Variants in RSRC2 observed in about 807,000 individuals in gnomAD.
RSRC2 encodes the protein arginine and serine rich coiled-coil 2.
A neutral mutation model predicts 61.3 loss-of-function variants in RSRC2; 5 were observed. The observed-to-expected ratio is 0.08, with a 90% CI of 0.04 to 0.17. The LOEUF (loss-of-function observed/expected upper bound fraction) is 0.17, where lower values mean the gene tolerates loss of function less well. RSRC2 is among the 10% of genes least tolerant of loss of function. The pLI is 1.00. For missense variants in RSRC2, 381 were observed against 518.8 expected (o/e 0.73, Z 2.58); for synonymous variants, 202 against 166.5 (o/e 1.21, Z -1.64).
chr12:122,508,167 G>A (rs974958570), intron 8 of RSRC2, 51 bp downstream of exon 8: 1 of 1,516,750 alleles, frequency 6.6e-7, no homozygotes, highest in South Asian at 1.1e-5. Flanking sequence ...GTTTTTCTAA[G>A]CAATTACTAA....
intron 1 of RSRC2, 46 bp from the exon 2 acceptor site, chr12:122,522,345 A>C (rs928693766): frequency 2.0e-6 from 3 of 1,500,456 alleles, no homozygotes; most frequent in Non-Finnish European, 2.7e-6. Flanking sequence ...TTACATTTTA[A>C]ATGTTTTCAA....
chr12:122,525,313 T>C (rs1402170990), intron 1 of RSRC2, among the ~76,000 whole-genome samples: 2 of 151,634 alleles, frequency 1.3e-5, no homozygotes, highest in East Asian at 1.9e-4. Context: ...GAGGCGGAGG[T>C]TGCAGTGAGC....
chr12:122,523,449 G>C (rs1277057800), intron 1 of RSRC2: 1 of 152,236 alleles, frequency 6.6e-6, no homozygotes, highest in African/African-American at 2.4e-5. Context: ...CCATGAGGCA[G>C]ACGTTGAAGT....
chr12:122,509,673 G>A (rs1028456536), intron 7 of RSRC2, among the ~76,000 whole-genome samples: 3 of 152,030 alleles, frequency 2.0e-5, no homozygotes, highest in African/African-American at 7.2e-5. Flanking sequence ...ACCAAAGAGA[G>A]TAATGATGTA....
chr12:122,521,664 A>G (rs1265158700), intron 2 of RSRC2, among the ~76,000 whole-genome samples: 4 of 152,234 alleles, frequency 2.6e-5, no homozygotes, highest in Non-Finnish European at 5.9e-5. Context: ...ACGGTCATAG[A>G]CTTTCAGTAT....
chr12:122,518,786 A>G (rs1381811301), intron 4 of RSRC2, 53 bp downstream of exon 4: 1 of 1,422,774 alleles, frequency 7.0e-7, no homozygotes, highest in African/African-American at 1.4e-5. Flanking sequence ...GGTCAATGAG[A>G]AACTTTATGT....
chr12:122,521,392 C>T lies in RSRC2; in HGVS notation c.200G>A (p.Ser67Asn). 6.2e-7 allele frequency: 1 copy of T among 1,611,612 alleles called. No individual in the cohort carries two copies. The highest frequency in any genetic ancestry group is 8.5e-7 in the Non-Finnish European group (1 of 1,178,388). The change falls in exon 3 of 10, where the codon AGC becomes AAC. Residue 67 changes from serine (S) to asparagine (N), a missense_variant. By Grantham distance (46) the Ser-to-Asn change is conservative (BLOSUM62 1). Transcript: ENST00000331738. Reference sequence around the variant, plus strand: ...CTACAAAGTGTTAATTACCTCTTTGCTTCTGCTCCGGCTCCTGTGTTTTCT... The same window carrying T: ...CTACAAAGTGTTAATTACCTCTTTGTTTCTGCTCCGGCTCCTGTGTTTTCT... Reference protein sequence around the residue: ...EGRKHRSRSRSKEGRRHESKD... With the variant: ...EGRKHRSRSRNKEGRRHESKD...
chr12:122,511,864 T>C (rs1958537446), intron 6 of RSRC2, among the ~76,000 whole-genome samples: 1 of 152,182 alleles, frequency 6.6e-6, no homozygotes. Context: ...TGGAGTGCAA[T>C]GGCACGACCT....
intron 8 of RSRC2, 184 bp downstream of exon 8, chr12:122,508,034 C>T: frequency 1.5e-6 from 1 of 658,662 alleles, no homozygotes; most frequent in Non-Finnish European, 2.7e-6. Flanking sequence ...GGACTCCTTA[C>T]CTCAACTGAT....
intron 5 of RSRC2, 110 bp downstream of exon 5, chr12:122,517,117 T>C (rs915576140): frequency 4.0e-6 from 6 of 1,486,896 alleles, no homozygotes; most frequent in Non-Finnish European, 4.6e-6. Context: ...AATTTTACCA[T>C]AATCTATAAA....
chr12:122,518,814 T>A (rs114490988), intron 4 of RSRC2, 25 bp downstream of exon 4: 5 of 1,568,376 alleles, frequency 3.2e-6, no homozygotes, highest in Admixed American at 1.7e-5. Context: ...TAGAAGGTAC[T>A]ACATTATAAT....
Position 122,511,295 on chromosome 12 carries a change from TA to T in RSRC2, c.726-108del, listed in dbSNP as rs1450228860. On this transcript the variant is annotated intron_variant, in intron 6 of 9. Coordinates refer to ENST00000331738, the MANE Select transcript of RSRC2 (RefSeq NM_023012.6). Reference sequence around the variant, plus strand: ...AGACAAGCCAACTTCCATAAAATTTTAAATTTTTAGCATCCCTCCACCGATA... The same window carrying T: ...AGACAAGCCAACTTCCATAAAATTTTAATTTTTAGCATCCCTCCACCGATA... The T allele has an allele frequency of 3.9e-6, 3 of 760,762 alleles. No homozygotes were observed. In the African/African-American group the frequency reaches 5.4e-5, roughly 14 times the overall value. The allele number at this position is 760,762 out of a possible 1,614,324, so 47.1% of individuals were successfully genotyped here.
chr12:122,513,039 A>G (rs1053149003), intron 6 of RSRC2, among the ~76,000 whole-genome samples: 2 of 151,554 alleles, frequency 1.3e-5, no homozygotes, highest in African/African-American at 4.8e-5. Context: ...TAAAAAGAAA[A>G]CAAAAATTAG....
chr12:122,510,714 C>G (rs1958442832), intron 7 of RSRC2, among the ~76,000 whole-genome samples: 1 of 152,048 alleles, frequency 6.6e-6, no homozygotes, highest in Admixed American at 6.5e-5. Context: ...GATTTTCTTC[C>G]TATTATTTTC....
At chr12:122,506,311 C>T (rs914527123) in intron 9 of RSRC2, 2 of 153,240 alleles carry the variant, frequency 1.3e-5, no homozygotes, top group Non-Finnish European at 2.9e-5. Flanking sequence ...TTGAACACCT[C>T]CAAAGGACAA....
In RSRC2 at chr12:122,504,613, G is replaced by T. The variant is rs1234103338; in HGVS notation, c.*914C>A. On this transcript the variant is annotated 3_prime_UTR_variant, in exon 10 of 10. Transcript: ENST00000331738. ...CACTGCACCCAGTTTAGGCAACAGA[G>T]CAAGATCCTGTCTCAAAAAAACAAA... The T allele has an allele frequency of 6.6e-6, 1 of 152,276 alleles. No homozygotes were observed. The highest frequency in any genetic ancestry group is 1.5e-5 in the Non-Finnish European group (1 of 68,038). The allele number at this position is 152,276 out of a possible 1,614,324, so 9.4% of individuals were successfully genotyped here.
In RSRC2 at chr12:122,511,663, A is replaced by G. The variant is rs372467499; in HGVS notation, c.726-475T>C. Reference sequence around the variant, plus strand: ...TAATAAAAATCAAAAAGCCAAAACTAAAAGGTCAAGCAAACCTTGCCATTC... The same window carrying G: ...TAATAAAAATCAAAAAGCCAAAACTGAAAGGTCAAGCAAACCTTGCCATTC... On this transcript the variant is annotated intron_variant, in intron 6 of 9. Transcript: ENST00000331738. 3.9e-5 allele frequency among the ~76,000 whole-genome samples: 6 copies of G among 152,352 alleles called. No homozygotes were observed. The East Asian group carries it at 9.6e-4, about 24-fold the overall frequency.
chr12:122,515,193 A>C lies in RSRC2; in HGVS notation c.637T>G (p.Phe213Val). The C allele has an allele frequency of 6.2e-7, 1 of 1,614,124 alleles. No individual in the cohort carries two copies. Residue 213 changes from phenylalanine to valine, a missense_variant, in exon 6 of 10, where the codon TTT becomes GTT. Phe to Val is a conservative substitution (Grantham distance 50). Transcript: ENST00000331738. ...GGAGTCCGGCTTAAACTTCTGCTAAATCTTCTCGGCTTTTCAATTCTCTTC... is the reference window on the plus strand; with the variant it reads ...GGAGTCCGGCTTAAACTTCTGCTAACTCTTCTCGGCTTTTCAATTCTCTTC... ...RKKRIEKPRRFSRSLSRTPSP... is the reference protein window; with the variant it reads ...RKKRIEKPRRVSRSLSRTPSP...
rs114490988 is a variant in RSRC2 at position 122,518,814 on chromosome 12, T to C, written c.398+25A>G. 1.3e-3 allele frequency: 1,980 copies of C among 1,568,494 alleles called. 27 individuals are homozygous for C. In the African/African-American group the frequency reaches 0.022, roughly 18 times the overall value. On this transcript the variant is annotated intron_variant, in intron 4 of 9. Coordinates refer to ENST00000331738, the MANE Select transcript of RSRC2 (RefSeq NM_023012.6). Reference sequence around the variant, plus strand: ...CTTTATGTAACTTGTTAGAAGGTACTACATTATAATACAACATGACTTACC... The same window carrying C: ...CTTTATGTAACTTGTTAGAAGGTACCACATTATAATACAACATGACTTACC...
Sources: gnomAD v4.1 joint callset for allele counts (sites outside exome capture counted in the v4.1 genomes callset) on GRCh38, gnomAD v4.1.1 for gene constraint, MANE v1.5 for transcripts, NCBI Gene and HGNC (gene_info 2026-07-23, HGNC 2026-07-21) for gene names.